The following DNER variants were observed in gnomAD, a reference collection of about 807,000 sequenced individuals.
DNER encodes the protein delta/notch like EGF repeat containing.
DNER carries 33 observed loss-of-function variants against 78.2 expected under a neutral mutation model. The observed-to-expected ratio is 0.42, with a 90% CI of 0.32 to 0.56. The LOEUF is 0.56. Among genes scored for constraint, DNER ranks in the 20% least tolerant of loss-of-function variants. DNER has a pLI of 0.11. For missense variants in DNER, 918 were observed against 975.3 expected, an observed-to-expected ratio of 0.94 and a Z score of 0.78; for synonymous variants, 417 against 384.8, an observed-to-expected ratio of 1.08 and a Z score of -0.98.
At chr2:229,415,048 G>A (rs549637374) in intron 9 of DNER, among the ~76,000 whole-genome samples, 2 of 152,150 alleles carry the variant, frequency 1.3e-5, no homozygotes, top group Non-Finnish European at 2.9e-5. Context: ...TGTAATCCCA[G>A]CTACTCAGGA....
chr2:229,582,285 A>G (rs954461277), intron 4 of DNER, among the ~76,000 whole-genome samples: 1 of 151,920 alleles, frequency 6.6e-6, no homozygotes, highest in Non-Finnish European at 1.5e-5. Flanking sequence ...CAAAGATTGC[A>G]AAAGGTACAT....
chr2:229,601,465 T>C (rs1232033715), intron 1 of DNER, among the ~76,000 whole-genome samples: 1 of 152,230 alleles, frequency 6.6e-6, no homozygotes, highest in South Asian at 2.1e-4. Flanking sequence ...TATGTCTTAG[T>C]GAAATACACA....
intron 4 of DNER, among the ~76,000 whole-genome samples, chr2:229,581,829 GC>G (rs1273650682): frequency 6.6e-6 from 1 of 152,148 alleles, no homozygotes; most frequent in Non-Finnish European, 1.5e-5. Context: ...GAACTCCTCT[GC>G]TCTGTTGCAT....
At chr2:229,686,222 ATGTCTATGGGATGGTGCCAC>A (rs1324478686) in intron 1 of DNER, among the ~76,000 whole-genome samples, 1 of 152,116 alleles carries the variant, frequency 6.6e-6, no homozygotes, top group Non-Finnish European at 1.5e-5. Context: ...AATGGAGGCC[ATGTCTATGGGATGGTGCCAC>A]TGACTGTTCA....
chr2:229,400,271 A>G (rs1237329974), intron 10 of DNER, among the ~76,000 whole-genome samples: 1 of 152,076 alleles, frequency 6.6e-6, no homozygotes, highest in Non-Finnish European at 1.5e-5. Flanking sequence ...TAACTACATC[A>G]TGCAATATTT....
At chr2:229,633,847 A>G (rs891250970) in intron 1 of DNER, among the ~76,000 whole-genome samples, 8 of 152,242 alleles carry the variant, frequency 5.3e-5, no homozygotes, top group Non-Finnish European at 1.2e-4. Flanking sequence ...TCTCTGGGCA[A>G]GGCGTCCTCC....
intron 8 of DNER, among the ~76,000 whole-genome samples, chr2:229,422,007 T>C (rs1693776884): frequency 6.6e-6 from 1 of 152,150 alleles, no homozygotes; most frequent in South Asian, 2.1e-4. Flanking sequence ...GAAAAGCAAA[T>C]GAGGAAGTTA....
At chr2:229,549,195 T>C (rs962128) in intron 4 of DNER, among the ~76,000 whole-genome samples, 4,482 of 152,258 alleles carry the variant, frequency 0.029, 193 homozygotes, top group African/African-American at 0.094. Context: ...GCCAGGGAGA[T>C]GGAGCTTCTG....
chr2:229,427,237 A>G (rs1050662792), intron 8 of DNER, among the ~76,000 whole-genome samples: 4 of 152,246 alleles, frequency 2.6e-5, no homozygotes, highest in Non-Finnish European at 4.4e-5. Flanking sequence ...GCTCTAAATC[A>G]TATCCTCACT....
intron 4 of DNER, among the ~76,000 whole-genome samples, chr2:229,565,082 C>T (rs536804055): frequency 3.3e-5 from 5 of 152,244 alleles, no homozygotes; most frequent in South Asian, 4.2e-4. Context: ...TCCTCATATT[C>T]GGTGTTAGGA....
chr2:229,554,130 C>G (rs1696801568), intron 4 of DNER, among the ~76,000 whole-genome samples: 2 of 152,128 alleles, frequency 1.3e-5, no homozygotes, highest in African/African-American at 4.8e-5. Flanking sequence ...TGAGACTCTC[C>G]CAGGCAATGG....
At chr2:229,483,488 T>C (rs1454888640) in intron 6 of DNER, among the ~76,000 whole-genome samples, 1 of 152,210 alleles carries the variant, frequency 6.6e-6, no homozygotes, top group Non-Finnish European at 1.5e-5. Flanking sequence ...TGATTCCAAT[T>C]AAAATGTTTA....
At chr2:229,553,155 T>C (rs2154213394) in intron 4 of DNER, among the ~76,000 whole-genome samples, 1 of 152,328 alleles carries the variant, frequency 6.6e-6, no homozygotes, top group South Asian at 2.1e-4. Context: ...AAGGAATCTG[T>C]ACACTCTGAA....
chr2:229,361,053 C>CGT (rs1373452298), intron 12 of DNER, among the ~76,000 whole-genome samples: 2 of 152,094 alleles, frequency 1.3e-5, no homozygotes, highest in Non-Finnish European at 2.9e-5. Flanking sequence ...GCTGTATCTA[C>CGT]CATATGGAAG....
At chr2:229,522,564 T>A (rs982026485) in intron 5 of DNER, among the ~76,000 whole-genome samples, 45 of 152,214 alleles carry the variant, frequency 3.0e-4, no homozygotes, top group Non-Finnish European at 5.7e-4. Context: ...ACTTTCTTAT[T>A]TTAAAATTCC....
At position 229,448,949 on chromosome 2, in the gene DNER, G is replaced by A. The variant is rs137873462; in HGVS notation, c.1262-1409C>T. 3.1e-4 allele frequency among the ~76,000 whole-genome samples: 47 copies of A among 152,184 alleles called. 2 individuals are homozygous for A. The East Asian group carries it at 9.1e-3, about 29-fold the overall frequency. On this transcript the variant is annotated intron_variant, in intron 7 of 12. Transcript: ENST00000341772. ...TTGTTGTTAAGGACACATTTAATAT[G>A]TAAACAAACCAAAATAACTCCCAGA...
intron 6 of DNER, among the ~76,000 whole-genome samples, chr2:229,495,659 C>T (rs1463305177): frequency 6.6e-6 from 1 of 152,162 alleles, no homozygotes; most frequent in Non-Finnish European, 1.5e-5. Context: ...CATAGTCTAC[C>T]AATTCAAATG....
chr2:229,459,838 G>A (rs1183250128), intron 7 of DNER, among the ~76,000 whole-genome samples: 1 of 151,844 alleles, frequency 6.6e-6, no homozygotes, highest in East Asian at 1.9e-4. Flanking sequence ...ACCAGCCTGG[G>A]CAACATAGTA....
chr2:229,585,615 G>A (rs1440123155), intron 4 of DNER, among the ~76,000 whole-genome samples: 5 of 151,310 alleles, frequency 3.3e-5, no homozygotes, highest in South Asian at 2.1e-4. Context: ...AGCCAAGATC[G>A]CGCCAGTGCA....
Sources: allele counts gnomAD v4.1 joint callset (sites outside exome capture counted in the v4.1 genomes callset), GRCh38; gene constraint gnomAD v4.1.1; transcripts MANE v1.5; gene names NCBI Gene and HGNC (gene_info 2026-07-23, HGNC 2026-07-21).